Variants in MPP2 observed in about 807,000 individuals in gnomAD.
The protein encoded by MPP2 is MAGUK p55 subfamily member 2.
MPP2 carries 42 observed loss-of-function variants against 58.5 expected under a neutral mutation model. That is an observed-to-expected ratio of 0.72 (90% CI 0.56 to 0.93). The LOEUF is 0.93. Among genes scored for constraint, MPP2 ranks in the 40% least tolerant of loss-of-function variants. The pLI, the probability that MPP2 is intolerant of heterozygous loss-of-function variation, is 0.00. For synonymous variants in MPP2, 300 were observed against 307.8 expected, an observed-to-expected ratio of 0.97 and a Z score of 0.26; for missense variants, 632 against 760.4, an observed-to-expected ratio of 0.83 and a Z score of 1.99.
At chr17:43,881,418 G>A (rs1189879744) in intron 7 of MPP2, 40 bp downstream of exon 7, 1 of 1,613,870 alleles carries the variant, frequency 6.2e-7, no homozygotes, top group African/African-American at 1.3e-5. Context: ...GCCCTCCCAT[G>A]CACCATACCT....
At chr17:43,892,729 G>C (rs543637901) in intron 3 of MPP2, among the ~76,000 whole-genome samples, 1 of 152,268 alleles carries the variant, frequency 6.6e-6, no homozygotes, top group South Asian at 2.1e-4. Flanking sequence ...ACCATACCAG[G>C]AATTTCTTGG....
At chr17:43,908,308 A>G (rs1322380321), upstream of MPP2, among the ~76,000 whole-genome samples, 1 of 152,252 alleles carries the variant, frequency 6.6e-6, no homozygotes, top group Non-Finnish European at 1.5e-5. Flanking sequence ...GGCTCTGTGC[A>G]GTGCGACTAG....
intron 2 of MPP2, among the ~76,000 whole-genome samples, chr17:43,898,641 G>A (rs1489562118): frequency 6.6e-6 from 1 of 152,198 alleles, no homozygotes; most frequent in East Asian, 1.9e-4. Flanking sequence ...GAGGCTCCAG[G>A]CAGCTGGAAG....
chr17:43,890,720 T>G (rs1436044461), intron 3 of MPP2, among the ~76,000 whole-genome samples: 1 of 152,196 alleles, frequency 6.6e-6, no homozygotes, highest in Non-Finnish European at 1.5e-5. Context: ...GCTTAGAAAG[T>G]GCTTGTGACT....
chr17:43,900,578 C>A, intron 2 of MPP2: 1 of 1,533,684 alleles, frequency 6.5e-7, no homozygotes, highest in South Asian at 1.2e-5. Flanking sequence ...CGGGGACTCC[C>A]GGAGCGTCCT....
At chr17:43,895,762 A>C (rs1002742052) in intron 3 of MPP2, among the ~76,000 whole-genome samples, 4 of 151,900 alleles carry the variant, frequency 2.6e-5, no homozygotes, top group Non-Finnish European at 5.9e-5. Flanking sequence ...CTCAGCCTCC[A>C]GAGTAGCTGG....
At chr17:43,896,867 C>T (rs552396030) in intron 3 of MPP2, among the ~76,000 whole-genome samples, 1 of 152,190 alleles carries the variant, frequency 6.6e-6, no homozygotes, top group South Asian at 2.1e-4. Context: ...GGTCTGATTT[C>T]CCACAGCTCC....
chr17:43,900,575 T>C (rs1188739543), intron 2 of MPP2: 2 of 1,532,530 alleles, frequency 1.3e-6, no homozygotes, highest in South Asian at 1.2e-5. Flanking sequence ...ACCCGGGGAC[T>C]CCCGGAGCGT....
At chr17:43,896,440 T>C (rs999119643) in intron 3 of MPP2, among the ~76,000 whole-genome samples, 3 of 152,008 alleles carry the variant, frequency 2.0e-5, no homozygotes, top group Non-Finnish European at 4.4e-5. Flanking sequence ...ACCTTGGTCT[T>C]TTTCTCTTCC....
chr17:43,894,442 TATACAC>T (rs1342393139), intron 3 of MPP2, among the ~76,000 whole-genome samples: 446 of 15,784 alleles, frequency 0.028, 8 homozygotes, highest in Middle Eastern at 0.13. Flanking sequence ...TATATATATA[TATACAC>T]ACACACACAC....
At position 43,880,675 on chromosome 17, in the gene MPP2, C is replaced by A. The variant is rs765255882; in HGVS notation, c.1150+16G>T. 1 of 1,593,986 alleles carries A rather than the reference C, an allele frequency of 6.3e-7. No individual in the cohort carries two copies. ...GCTCCTTGTCCCCAACTCAGCAGGG[C>A]CCAGCTCCCACTCACAGGGCACCGT... On this transcript the variant is annotated intron_variant, in intron 10 of 12. Transcript: ENST00000269095. The surrounding 1 kb of genome is among the most constrained non-coding windows in gnomAD (Gnocchi z 5.2).
At position 43,879,449 on chromosome 17, in the gene MPP2, C is replaced by T. The variant is rs373673363; in HGVS notation, c.1354-46G>A. 47 of 1,606,180 alleles carry T rather than the reference C, an allele frequency of 2.9e-5. No individual in the cohort carries two copies. The African/African-American group carries it at 5.9e-4, about 20-fold the overall frequency. ...GTAGGGAGTATATCCCCATGTCTGT[C>T]CTAGGAACCAGAGAAAGGCTGTGAG... On this transcript the variant is annotated intron_variant, in intron 11 of 12. Coordinates refer to ENST00000269095, the MANE Select transcript of MPP2 (RefSeq NM_005374.5). This position sits in a 1 kb window ranked among gnomAD's most constrained non-coding sequence, Gnocchi z 4.1.
At chr17:43,881,048 C>T (rs557642139) in intron 9 of MPP2, 42 bp downstream of exon 9, 2 of 1,603,906 alleles carry the variant, frequency 1.2e-6, no homozygotes, top group African/African-American at 1.3e-5. Context: ...AAAGGCATGC[C>T]ATGTTAGAGG....
chr17:43,907,964 C>A, upstream of MPP2: 9 of 985,380 alleles, frequency 9.1e-6, no homozygotes, highest in Non-Finnish European at 1.1e-5. Flanking sequence ...CAGAGAGACT[C>A]CCAGGAAGCA....
At chr17:43,896,379 C>T (rs1210633177) in intron 3 of MPP2, among the ~76,000 whole-genome samples, 2 of 152,074 alleles carry the variant, frequency 1.3e-5, no homozygotes, top group Admixed American at 1.3e-4. Context: ...TCATGGCATC[C>T]CTAGAACTGT....
chr17:43,877,846 C>T lies in MPP2; in HGVS notation c.1620G>A (p.Arg540=), dbSNP rs2046912330. The T allele has an allele frequency of 1.2e-6, 2 of 1,614,040 alleles. No homozygotes were observed. Among genetic ancestry groups the T allele is most frequent in the Non-Finnish European group, 1.7e-6 (2 of 1,179,938 alleles). Residue 540 remains arginine (R), a synonymous_variant, in exon 13 of 13, where the codon CGG becomes CGA. Transcript: ENST00000269095. ...RELQTAMEKL[R]TEPQWVPVSW... is the part of the protein sequence containing the mutation. ...TGACAGGCACCCACTGGGGCTCTGT[C>T]CGTAGCTTCTCCATGGCTGTCTGGA... is the stretch of plus-strand genomic sequence containing the variant.
chr17:43,902,877 G>T (rs2143785690), intron 2 of MPP2, among the ~76,000 whole-genome samples: 1 of 152,324 alleles, frequency 6.6e-6, no homozygotes, highest in Non-Finnish European at 1.5e-5. Flanking sequence ...GGTCCTGCGT[G>T]CACTACGGGA....
At chr17:43,896,629 G>A (rs773514272) in intron 3 of MPP2, among the ~76,000 whole-genome samples, 3 of 151,876 alleles carry the variant, frequency 2.0e-5, no homozygotes, top group East Asian at 1.9e-4. Context: ...AGGCCAGCAC[G>A]TGCCCTGGAC....
intron 3 of MPP2, chr17:43,884,155 C>A: frequency 4.3e-6 from 3 of 702,512 alleles, no homozygotes; most frequent in Non-Finnish European, 7.8e-6. Context: ...ACCATTATCA[C>A]CTGCAAGAAA....
Sources: allele counts gnomAD v4.1 joint callset (sites outside exome capture counted in the v4.1 genomes callset), GRCh38; gene constraint gnomAD v4.1.1; non-coding constraint Gnocchi (gnomAD v3.1); transcripts MANE v1.5; gene names NCBI Gene and HGNC (gene_info 2026-07-23, HGNC 2026-07-21).